The following PPP1R12B variants were observed in gnomAD, a reference collection of about 807,000 sequenced individuals.
PPP1R12B encodes myosin phosphatase target subunit 2.
A neutral mutation model predicts 126.1 loss-of-function variants in PPP1R12B; 76 were observed. The ratio of observed to expected loss-of-function variants is 0.60; its 90% confidence interval spans 0.50 to 0.73. The LOEUF is 0.73. Among genes scored for constraint, PPP1R12B ranks in the 30% least tolerant of loss-of-function variants. The pLI is 0.00. For synonymous variants in PPP1R12B, 356 were observed against 434.7 expected (o/e 0.82, Z 2.25); for missense variants, 1,052 against 1,205.1 (o/e 0.87, Z 1.88).
intron 21 of PPP1R12B, 122 bp downstream of exon 21, chr1:202,564,669 GAGAT>G (rs1352024981): frequency 1.5e-6 from 1 of 677,424 alleles, no homozygotes; most frequent in Admixed American, 2.9e-5. Flanking sequence ...TCGGGGCAAT[GAGAT>G]AGAAGCTTCT....
At chr1:202,423,362 TCTG>T in intron 3 of PPP1R12B, among the ~76,000 whole-genome samples, 1 of 152,266 alleles carries the variant, frequency 6.6e-6, no homozygotes, top group South Asian at 2.1e-4. Context: ...TTTTAGTCCT[TCTG>T]CTAAACTACC....
intron 1 of PPP1R12B, among the ~76,000 whole-genome samples, chr1:202,361,144 C>T (rs1346963622): frequency 2.6e-5 from 4 of 152,172 alleles, no homozygotes; most frequent in Admixed American, 6.5e-5. Context: ...CCGCCCGCCT[C>T]GGCCTCCCAA....
intron 18 of PPP1R12B, among the ~76,000 whole-genome samples, chr1:202,497,745 A>G (rs1429763068): frequency 6.6e-6 from 1 of 152,166 alleles, no homozygotes; most frequent in East Asian, 1.9e-4. Context: ...TACTTCATAA[A>G]GGCAAGCTAT....
At chr1:202,561,192 TA>T (rs1245299495) in intron 19 of PPP1R12B, among the ~76,000 whole-genome samples, 1 of 152,066 alleles carries the variant, frequency 6.6e-6, no homozygotes, top group Non-Finnish European at 1.5e-5. Context: ...ATATTAAAAT[TA>T]ATGACAGATA....
At chr1:202,561,158 T>C (rs1047425503) in intron 19 of PPP1R12B, among the ~76,000 whole-genome samples, 1 of 152,004 alleles carries the variant, frequency 6.6e-6, no homozygotes, top group Non-Finnish European at 1.5e-5. Flanking sequence ...ACCAAAGATA[T>C]TGATTGTTCA....
intron 18 of PPP1R12B, among the ~76,000 whole-genome samples, chr1:202,516,504 G>A (rs1207418733): frequency 6.6e-6 from 1 of 152,052 alleles, no homozygotes; most frequent in Non-Finnish European, 1.5e-5. Flanking sequence ...GAGCATGAAA[G>A]GATGATATCT....
chr1:202,411,115 C>T (rs548119606), intron 1 of PPP1R12B, among the ~76,000 whole-genome samples: 23 of 152,142 alleles, frequency 1.5e-4, no homozygotes, highest in African/African-American at 3.6e-4. Context: ...ATGCTTCAGT[C>T]GTGAATGAGT....
chr1:202,381,463 C>G (rs1387602701), intron 1 of PPP1R12B, among the ~76,000 whole-genome samples: 3 of 108,482 alleles, frequency 2.8e-5, no homozygotes, highest in Non-Finnish European at 3.8e-5. Context: ...CCTCCTCCAG[C>G]CTAGGCCAAG....
intron 18 of PPP1R12B, among the ~76,000 whole-genome samples, chr1:202,498,225 G>A (rs529348493): frequency 1.3e-5 from 2 of 152,308 alleles, no homozygotes; most frequent in East Asian, 1.9e-4. Context: ...ATGAAGAAAA[G>A]CAGAGACTGT....
intron 12 of PPP1R12B, among the ~76,000 whole-genome samples, chr1:202,443,357 G>A (rs1441199484): frequency 1.3e-5 from 2 of 152,146 alleles, no homozygotes; most frequent in Non-Finnish European, 2.9e-5. Context: ...TTCATCATTA[G>A]GTTTTTTAGA....
At chr1:202,488,166 T>C (rs1191925198) in intron 13 of PPP1R12B, among the ~76,000 whole-genome samples, 2 of 152,200 alleles carry the variant, frequency 1.3e-5, no homozygotes, top group African/African-American at 4.8e-5. Context: ...ATCACAACAG[T>C]GCATGATTTG....
rs1679116442 is a variant in PPP1R12B at position 202,493,191 on chromosome 1, G to A, written c.2019G>A (p.Gln673=). 2 of 1,612,672 alleles carry A rather than the reference G, an allele frequency of 1.2e-6. No homozygotes were observed. The highest frequency in any genetic ancestry group is 1.7e-6 in the Non-Finnish European group (2 of 1,179,862). The change falls in exon 15 of 24, where the codon CAG becomes CAA. Residue 673 remains glutamine, a synonymous_variant. Transcript: ENST00000608999. ...RSRAERQAQE[Q]PREKPTDTEG... is the part of the protein sequence containing the mutation. ...GGGCAGAGAGGCAAGCTCAGGAGCA[G>A]CCTCGTGAGAAGCCCACAGACACTG... is the stretch of plus-strand genomic sequence containing the variant.
intron 13 of PPP1R12B, chr1:202,472,070 C>T (rs1230853047): frequency 1.3e-6 from 2 of 1,593,124 alleles, no homozygotes; most frequent in Non-Finnish European, 1.7e-6. Flanking sequence ...TGTGTTTCCT[C>T]TTCTCCTCTT....
At position 202,434,838 on chromosome 1, in the gene PPP1R12B, T is replaced by G; in HGVS notation, c.1254+70T>G. ...GCAGTAGCACACATCTAGAAAGGCCTTAAAGGTACATTCTTGCAAAATAAT... is the reference window on the plus strand; with the variant it reads ...GCAGTAGCACACATCTAGAAAGGCCGTAAAGGTACATTCTTGCAAAATAAT... On this transcript the variant is annotated intron_variant, in intron 9 of 23. Coordinates refer to ENST00000608999, the MANE Select transcript of PPP1R12B (RefSeq NM_002481.4). The G allele has an allele frequency of 3.2e-6, 5 of 1,578,370 alleles. No homozygotes were observed. The South Asian group carries it at 6.0e-5, about 19-fold the overall frequency.
chr1:202,382,432 A>G (rs551749349), intron 1 of PPP1R12B, among the ~76,000 whole-genome samples: 2 of 146,554 alleles, frequency 1.4e-5, no homozygotes, highest in East Asian at 3.9e-4. Context: ...TAAAAAAAAT[A>G]TATATATAAA....
chr1:202,349,242 C>T (rs1655468915), intron 1 of PPP1R12B, 100 bp downstream of exon 1: 8 of 1,371,908 alleles, frequency 5.8e-6, no homozygotes, highest in Non-Finnish European at 7.0e-6. Context: ...CCGCCGACTC[C>T]TTCTGCATGG....
chr1:202,544,632 C>T (rs1226604310), intron 18 of PPP1R12B, among the ~76,000 whole-genome samples: 1 of 152,038 alleles, frequency 6.6e-6, no homozygotes, highest in South Asian at 2.1e-4. Flanking sequence ...TAGGATTTGA[C>T]CTGTATTTAT....
chr1:202,428,768 G>C, intron 5 of PPP1R12B, 87 bp from the exon 6 acceptor site: 1 of 1,276,600 alleles, frequency 7.8e-7, no homozygotes, highest in Non-Finnish European at 1.1e-6. Flanking sequence ...AAGGCAAAAA[G>C]TGACTTTTGA....
In PPP1R12B at chr1:202,508,565, C is replaced by A. The variant is rs918866861; in HGVS notation, c.2490+11743C>A. Among the ~76,000 whole-genome samples the A allele has an allele frequency of 6.6e-6, 1 of 152,124 alleles. No individual in the cohort carries two copies. The highest frequency in any genetic ancestry group is 2.4e-5 in the African/African-American group (1 of 41,418). ...ACAGAAGCATTTTAAAGGCAAACAA[C>A]ATGTTTGAGTATTATGTCACCAAAT... On this transcript the variant is annotated intron_variant, in intron 18 of 23. Coordinates refer to ENST00000608999, the MANE Select transcript of PPP1R12B (RefSeq NM_002481.4). The surrounding 1 kb of genome is among the most constrained non-coding windows in gnomAD (Gnocchi z 4.5).
Sources: gnomAD v4.1 joint callset for allele counts (sites outside exome capture counted in the v4.1 genomes callset) on GRCh38, gnomAD v4.1.1 for gene constraint, Gnocchi (gnomAD v3.1) non-coding constraint, MANE v1.5 for transcripts, NCBI Gene and HGNC (gene_info 2026-07-23, HGNC 2026-07-21) for gene names.